PDE4C: variants seen among roughly 807,000 people sequenced by gnomAD.
PDE4C encodes phosphodiesterase 4C.
PDE4C carries 50 observed loss-of-function variants against 63.9 expected under a neutral mutation model. That is an observed-to-expected ratio of 0.78 (90% CI 0.62 to 0.99). PDE4C has a LOEUF of 0.99. Ranked by LOEUF, PDE4C falls within the 50% of genes least tolerant of loss-of-function variation. The probability of loss-of-function intolerance (pLI) is 0.00; values close to 1 mark genes in which losing one functional copy is unlikely to be tolerated. For missense variants in PDE4C, 777 were observed against 899.1 expected (o/e 0.86, Z 1.74); for synonymous variants, 377 against 385.1 (o/e 0.98, Z 0.25).
chr19:18,221,005 C>G, intron 4 of PDE4C, 82 bp from the exon 5 acceptor site: 1 of 1,521,734 alleles, frequency 6.6e-7, no homozygotes. Context: ...CCCTCAAACC[C>G]ACCTGGAGGC....
rs191491930 is a variant in PDE4C at position 18,246,109 on chromosome 19, G to A, written c.-210+2062C>T. On this transcript the variant is annotated intron_variant, in intron 1 of 15. Transcript: ENST00000594617. ...TGGCTCACTGCAACCCCTGCCTTCCGGGTTCAAGCGATCCTCCTGCCTCAG... is the reference window on the plus strand; with the variant it reads ...TGGCTCACTGCAACCCCTGCCTTCCAGGTTCAAGCGATCCTCCTGCCTCAG... Among the ~76,000 whole-genome samples the A allele has an allele frequency of 3.2e-4, 48 of 149,838 alleles. No homozygotes were observed. In the East Asian group the frequency reaches 7.5e-3, roughly 23 times the overall value.
Position 18,213,502 on chromosome 19 carries a change from C to G in PDE4C, c.1390-12G>C. ...TCTGTGGCCAGCACCTGGGGGCAGG[C>G]AAGGGAAGGTGACAGGCGCGAGGAC... On this transcript the variant is annotated splice_polypyrimidine_tract_variant and intron_variant, in intron 12 of 14. Transcript: ENST00000262805. The G allele has an allele frequency of 6.2e-7, 1 of 1,608,898 alleles. No homozygotes were observed. Among genetic ancestry groups the G allele is most frequent in the Non-Finnish European group, 8.5e-7 (1 of 1,176,942 alleles).
chr19:18,247,338 C>T (rs988475361), intron 1 of PDE4C, among the ~76,000 whole-genome samples: 1 of 152,090 alleles, frequency 6.6e-6, no homozygotes, highest in African/African-American at 2.4e-5. Context: ...CTCTGTCTCC[C>T]AGGCTGGAGT....
chr19:18,210,189 A>G (rs576573239), downstream of PDE4C: 3 of 141,488 alleles, frequency 2.1e-5, no homozygotes, highest in African/African-American at 7.9e-5. Context: ...TGCCTGGCTA[A>G]TTTTTTTTTT....
At chr19:18,216,535 A>G (rs903326369) in intron 12 of PDE4C, among the ~76,000 whole-genome samples, 9 of 151,994 alleles carry the variant, frequency 5.9e-5, no homozygotes, top group African/African-American at 2.2e-4. Flanking sequence ...TCTGCTTCCC[A>G]AAGTGTTAGG....
exon 1 of PDE4C, chr19:18,233,500 C>A (rs556577618): frequency 1.6e-6 from 1 of 637,148 alleles, no homozygotes; most frequent in Non-Finnish European, 2.9e-6. Flanking sequence ...AACCGTCTGC[C>A]GTCCCCTATA....
At chr19:18,212,101 CTT>C (rs1388704700) in intron 13 of PDE4C, among the ~76,000 whole-genome samples, 160 bp from the exon 14 acceptor site, 1 of 152,084 alleles carries the variant, frequency 6.6e-6, no homozygotes, top group Non-Finnish European at 1.5e-5. Context: ...GCATGTGACT[CTT>C]GCCATTTCTT....
chr19:18,234,297 C>G (rs964542906), upstream of PDE4C: 1 of 152,340 alleles, frequency 6.6e-6, no homozygotes, highest in Non-Finnish European at 1.5e-5. Flanking sequence ...CACACAGACC[C>G]TCAGCGGAAA....
At chr19:18,230,940 C>G (rs1172517918), upstream of PDE4C, among the ~76,000 whole-genome samples, 1 of 152,220 alleles carries the variant, frequency 6.6e-6, no homozygotes, top group Non-Finnish European at 1.5e-5. Context: ...TTAGACCCTC[C>G]CATACCCCTG....
chr19:18,239,171 A>G (rs1341462877), intron 1 of PDE4C, among the ~76,000 whole-genome samples: 3 of 152,158 alleles, frequency 2.0e-5, no homozygotes, highest in Non-Finnish European at 4.4e-5. Flanking sequence ...CCATTTAACA[A>G]AGGAGGAAAT....
At chr19:18,227,796 C>G (rs1202567648), upstream of PDE4C, among the ~76,000 whole-genome samples, 1 of 152,156 alleles carries the variant, frequency 6.6e-6, no homozygotes, top group Non-Finnish European at 1.5e-5. Context: ...TCTTGGTGTC[C>G]CCAGACATGG....
chr19:18,220,569 C>G lies in PDE4C; in HGVS notation c.500-54G>C, dbSNP rs190240190. On this transcript the variant is annotated intron_variant, in intron 5 of 14. Coordinates refer to ENST00000262805, the Ensembl canonical transcript of PDE4C. This position sits in a 1 kb window ranked among gnomAD's most constrained non-coding sequence, Gnocchi z 5.1. Reference sequence around the variant, plus strand: ...CCAACCCCCCCGCTCAGGGACCCCACGCCTCTCGCGACTTCGTCTCTTCAT... The same window carrying G: ...CCAACCCCCCCGCTCAGGGACCCCAGGCCTCTCGCGACTTCGTCTCTTCAT... 4.8e-6 allele frequency: 7 copies of G among 1,461,342 alleles called. No individual in the cohort carries two copies. In the African/African-American group the frequency reaches 5.6e-5, roughly 12 times the overall value. The allele number at this position is 1,461,342 out of a possible 1,614,324, so 90.5% of individuals were successfully genotyped here. A position where few individuals can be genotyped will look rare whatever the true frequency, so the allele number is the denominator to read the frequency against.
intron 1 of PDE4C, among the ~76,000 whole-genome samples, chr19:18,239,992 T>C (rs550911320): frequency 4.5e-4 from 68 of 152,090 alleles, no homozygotes; most frequent in African/African-American, 1.6e-3. Flanking sequence ...GCAACAGATC[T>C]GGGCAACAGC....
chr19:18,211,621 T>A, intron 14 of PDE4C, 138 bp downstream of exon 14: 1 of 906,498 alleles, frequency 1.1e-6, no homozygotes, highest in East Asian at 2.5e-5. Context: ...ATCCCAGGTC[T>A]AACTCGGCCC....
At chr19:18,231,184 C>A (rs571223426), upstream of PDE4C, among the ~76,000 whole-genome samples, 1 of 152,212 alleles carries the variant, frequency 6.6e-6, no homozygotes, top group Non-Finnish European at 1.5e-5. Flanking sequence ...GGGGTGAACC[C>A]CTACCCTCAT....
chr19:18,212,601 A>G (rs1198855732), intron 13 of PDE4C, among the ~76,000 whole-genome samples: 2 of 151,888 alleles, frequency 1.3e-5, no homozygotes, highest in African/African-American at 4.8e-5. Flanking sequence ...TGGCCTCCCA[A>G]AGTGCTGGGA....
At chr19:18,247,311 G>C (rs1432738486) in intron 1 of PDE4C, among the ~76,000 whole-genome samples, 2 of 151,736 alleles carry the variant, frequency 1.3e-5, no homozygotes, top group South Asian at 4.2e-4. Context: ...TTTTTTGGTG[G>C]TGGGGACAGA....
Position 18,220,662 on chromosome 19 carries a change from C to G in PDE4C, c.500-147G>C. 1 of 805,700 alleles carries G rather than the reference C, an allele frequency of 1.2e-6. No individual in the cohort carries two copies. The highest frequency in any genetic ancestry group is 1.7e-5 in the South Asian group (1 of 58,728). 49.9% of individuals were successfully genotyped at this position (805,700 alleles called of 1,614,324 possible). ...TGGACCCAAGTTCCAGATCTGTTCC[C>G]CGAGTGCCTGTGTGACCATGAGATC... On this transcript the variant is annotated intron_variant, in intron 5 of 14. Transcript: ENST00000262805. This position sits in a 1 kb window ranked among gnomAD's most constrained non-coding sequence, Gnocchi z 5.1.
intron 1 of PDE4C, among the ~76,000 whole-genome samples, chr19:18,231,493 C>T (rs1968846417): frequency 6.6e-6 from 1 of 152,278 alleles, no homozygotes; most frequent in African/African-American, 2.4e-5. Context: ...AGCTCCAACC[C>T]CTCTGGGCTG....
Sources: gnomAD v4.1 joint callset for allele counts (sites outside exome capture counted in the v4.1 genomes callset) on GRCh38, gnomAD v4.1.1 for gene constraint, Gnocchi (gnomAD v3.1) non-coding constraint, MANE v1.5 for transcripts, NCBI Gene and HGNC (gene_info 2026-07-23, HGNC 2026-07-21) for gene names.